The following DTNB variants were observed in gnomAD, a reference collection of about 807,000 sequenced individuals.
DTNB encodes DTN-B.
In DTNB, 63 loss-of-function variants were observed where a neutral mutation model predicts 90.7. The observed-to-expected ratio is 0.69, with a 90% confidence interval of 0.57 to 0.86. The LOEUF (loss-of-function observed/expected upper bound fraction) is 0.86, where lower values mean the gene tolerates loss of function less well. Ranked by LOEUF, DTNB falls within the 40% of genes least tolerant of loss-of-function variation. The pLI is 0.00. For missense variants in DTNB, 744 were observed against 807.1 expected (o/e 0.92, Z 0.95); for synonymous variants, 277 against 286.7 (o/e 0.97, Z 0.34).
At chr2:25,413,498 G>A (rs1216524947) in intron 16 of DTNB, among the ~76,000 whole-genome samples, 1 of 144,574 alleles carries the variant, frequency 6.9e-6, no homozygotes, top group African/African-American at 2.6e-5. Context: ...TCCCACCTAT[G>A]AGTGAGAACA....
intron 5 of DTNB, among the ~76,000 whole-genome samples, chr2:25,598,288 T>C (rs777468456): frequency 2.6e-5 from 4 of 152,062 alleles, no homozygotes; most frequent in Non-Finnish European, 5.9e-5. Context: ...AATCTTGATA[T>C]AGAAATCACT....
intron 4 of DTNB, among the ~76,000 whole-genome samples, chr2:25,612,210 T>G (rs2068824681): frequency 6.6e-6 from 1 of 152,006 alleles, no homozygotes; most frequent in Middle Eastern, 3.4e-3. Context: ...AAATTATATA[T>G]GAAAGACAGA....
At chr2:25,627,597 T>C (rs2074512524) in intron 4 of DTNB, among the ~76,000 whole-genome samples, 1 of 151,908 alleles carries the variant, frequency 6.6e-6, no homozygotes, top group South Asian at 2.1e-4. Flanking sequence ...ACAGCTGTAT[T>C]AAGGTATCTA....
At chr2:25,457,161 C>T (rs1448901656) in intron 10 of DTNB, among the ~76,000 whole-genome samples, 1 of 152,184 alleles carries the variant, frequency 6.6e-6, no homozygotes, top group East Asian at 1.9e-4. Context: ...AGGCGTGCGC[C>T]ACCACGCCCA....
intron 3 of DTNB, among the ~76,000 whole-genome samples, chr2:25,635,613 A>G (rs1407378807): frequency 3.9e-5 from 6 of 152,184 alleles, no homozygotes; most frequent in Admixed American, 3.9e-4. Flanking sequence ...CAGAATCCCA[A>G]TCAAAATCTC....
chr2:25,526,393 ATATTT>A (rs1238134292), intron 9 of DTNB, among the ~76,000 whole-genome samples: 85 of 59,422 alleles, frequency 1.4e-3, no homozygotes, highest in African/African-American at 3.3e-3. Flanking sequence ...ATATATATAT[ATATTT>A]TTTTTTTTTT....
At chr2:25,476,207 T>TACTGGC (rs1439657346) in intron 10 of DTNB, among the ~76,000 whole-genome samples, 1 of 152,068 alleles carries the variant, frequency 6.6e-6, no homozygotes, top group Non-Finnish European at 1.5e-5. Context: ...TGGCTGGGAT[T>TACTGGC]ACAGGCAGGT....
chr2:25,381,125 G>T (rs1263829403), intron 19 of DTNB, among the ~76,000 whole-genome samples: 1 of 152,226 alleles, frequency 6.6e-6, no homozygotes, highest in Non-Finnish European at 1.5e-5. Flanking sequence ...GGAGGCCAGA[G>T]ATGCAGCTGT....
At chr2:25,672,806 T>A (rs2086366417) in intron 1 of DTNB, 1 of 152,088 alleles carries the variant, frequency 6.6e-6, no homozygotes, top group Non-Finnish European at 1.5e-5. Context: ...GTCTTCCTAA[T>A]CCCAAGGCCT....
intron 8 of DTNB, among the ~76,000 whole-genome samples, chr2:25,536,931 C>T (rs948664083): frequency 2.0e-5 from 3 of 151,942 alleles, no homozygotes; most frequent in African/African-American, 4.8e-5. Context: ...TTAGTAGATA[C>T]GGGGTTTCAC....
chr2:25,555,092 C>A (rs999660025), intron 8 of DTNB, among the ~76,000 whole-genome samples: 1 of 151,612 alleles, frequency 6.6e-6, no homozygotes, highest in Non-Finnish European at 1.5e-5. Flanking sequence ...GTCAGGAGAT[C>A]GAGACCATCC....
chr2:25,601,286 T>G (rs1022496572), intron 5 of DTNB, among the ~76,000 whole-genome samples: 3 of 152,140 alleles, frequency 2.0e-5, no homozygotes, highest in Admixed American at 2.0e-4. Flanking sequence ...ACTTCCCACA[T>G]CCCCAGTTAA....
At chr2:25,612,734 T>C (rs1348755090) in intron 4 of DTNB, among the ~76,000 whole-genome samples, 1 of 151,904 alleles carries the variant, frequency 6.6e-6, no homozygotes, top group Admixed American at 6.6e-5. Flanking sequence ...AGAGGGGATA[T>C]CACCACAGGT....
At chr2:25,607,812 C>T (rs910967556) in intron 4 of DTNB, among the ~76,000 whole-genome samples, 7 of 152,138 alleles carry the variant, frequency 4.6e-5, no homozygotes, top group Admixed American at 4.6e-4. Context: ...TTTACTGTAA[C>T]AACCTTTATG....
At chr2:25,521,980 A>G (rs1216065795) in intron 9 of DTNB, among the ~76,000 whole-genome samples, 1 of 152,240 alleles carries the variant, frequency 6.6e-6, no homozygotes, top group Non-Finnish European at 1.5e-5. Flanking sequence ...ACTGAAATGC[A>G]ATGGTGACTA....
At chr2:25,449,071 T>C (rs1300706285) in intron 12 of DTNB, among the ~76,000 whole-genome samples, 1 of 152,200 alleles carries the variant, frequency 6.6e-6, no homozygotes, top group Non-Finnish European at 1.5e-5. Flanking sequence ...GTTTGCCTAT[T>C]CTAGAATTTC....
At chr2:25,622,143 A>G (rs1284553572) in intron 4 of DTNB, among the ~76,000 whole-genome samples, 1 of 152,190 alleles carries the variant, frequency 6.6e-6, no homozygotes, top group Non-Finnish European at 1.5e-5. Flanking sequence ...TGGATGAAAT[A>G]TATCAGAGGA....
At chr2:25,548,412 G>T (rs1558983226) in intron 8 of DTNB, among the ~76,000 whole-genome samples, 1 of 145,682 alleles carries the variant, frequency 6.9e-6, no homozygotes, top group Admixed American at 6.9e-5. Flanking sequence ...GTGTGTTAAG[G>T]TTTTTTTTTT....
At chr2:25,571,826 A>G (rs2059913898) in intron 8 of DTNB, among the ~76,000 whole-genome samples, 1 of 151,986 alleles carries the variant, frequency 6.6e-6, no homozygotes, top group Admixed American at 6.6e-5. Flanking sequence ...GTAAAGACAG[A>G]GGCACACCTG....
Sources: gnomAD v4.1 joint callset for allele counts (sites outside exome capture counted in the v4.1 genomes callset) on GRCh38, gnomAD v4.1.1 for gene constraint, MANE v1.5 for transcripts, NCBI Gene and HGNC (gene_info 2026-07-23, HGNC 2026-07-21) for gene names.